The following ZNF536 variants were observed in gnomAD, a reference collection of about 807,000 sequenced individuals.
The protein encoded by ZNF536 is zinc finger protein 536.
Under a neutral mutation model 84.5 loss-of-function variants are expected in ZNF536, and 13 were observed. The ratio of observed to expected loss-of-function variants is 0.15; its 90% CI spans 0.10 to 0.24. ZNF536 has a LOEUF of 0.24. ZNF536 is among the 10% of genes least tolerant of loss of function. ZNF536 has a pLI of 1.00. For missense variants in ZNF536, 1,536 were observed against 1,747.5 expected, an observed-to-expected ratio of 0.88 and a Z score of 2.16; for synonymous variants, 811 against 742.5, an observed-to-expected ratio of 1.09 and a Z score of -1.50.
chr19:30,287,694 A>ATGGATGGATGAG (rs1232384033), intron 2 of ZNF536, among the ~76,000 whole-genome samples: 1 of 116,576 alleles, frequency 8.6e-6, no homozygotes, highest in Non-Finnish European at 1.7e-5. Flanking sequence ...GGATGGATGG[A>ATGGATGGATGAG]TGGATGGATG....
At chr19:30,658,539 T>TCACACA (rs144517985) in intron 1 of ZNF536, among the ~76,000 whole-genome samples, 35 of 149,244 alleles carry the variant, frequency 2.3e-4, no homozygotes, top group African/African-American at 8.3e-4. Flanking sequence ...CCTCTCTCTG[T>TCACACA]CACACACACA....
chr19:30,686,390 C>T (rs986076750), intron 1 of ZNF536, among the ~76,000 whole-genome samples: 2 of 152,158 alleles, frequency 1.3e-5, no homozygotes, highest in Non-Finnish European at 2.9e-5. Flanking sequence ...CAGATGGAGC[C>T]GCGGGCATCC....
At chr19:30,536,918 C>T (rs1371604838) in intron 3 of ZNF536, among the ~76,000 whole-genome samples, 3 of 152,202 alleles carry the variant, frequency 2.0e-5, no homozygotes, top group African/African-American at 7.2e-5. Context: ...GGCTCTGATG[C>T]CCCCTTCTCT....
At chr19:30,460,392 C>A (rs1168104837) in intron 2 of ZNF536, among the ~76,000 whole-genome samples, 1 of 152,162 alleles carries the variant, frequency 6.6e-6, no homozygotes, top group Non-Finnish European at 1.5e-5. Flanking sequence ...CTTCTAGTAG[C>A]AGAGGCACTG....
intron 1 of ZNF536, among the ~76,000 whole-genome samples, chr19:30,245,013 A>T (rs1171311782): frequency 6.6e-6 from 1 of 152,098 alleles, no homozygotes; most frequent in Non-Finnish European, 1.5e-5. Context: ...CATCTAACTC[A>T]TGTCTACCTA....
chr19:30,410,353 C>T (rs1190804098), intron 1 of ZNF536, among the ~76,000 whole-genome samples: 1 of 150,920 alleles, frequency 6.6e-6, no homozygotes, highest in Admixed American at 6.6e-5. Flanking sequence ...CATTTTCCAA[C>T]TGATATATAA....
At chr19:30,396,666 T>A (rs950165165) in intron 1 of ZNF536, among the ~76,000 whole-genome samples, 1 of 148,262 alleles carries the variant, frequency 6.7e-6, no homozygotes, top group African/African-American at 2.5e-5. Context: ...AGTGGCATGA[T>A]CTCGGCTCAC....
chr19:30,280,022 A>C (rs550914352), intron 1 of ZNF536, among the ~76,000 whole-genome samples: 7 of 152,256 alleles, frequency 4.6e-5, no homozygotes, highest in Non-Finnish European at 1.0e-4. Context: ...TCTCCCCAGG[A>C]ATACACTCCA....
intron 1 of ZNF536, among the ~76,000 whole-genome samples, chr19:30,688,784 A>G (rs1175479413): frequency 6.6e-6 from 1 of 152,150 alleles, no homozygotes; most frequent in Admixed American, 6.5e-5. Flanking sequence ...GCGAGTGGGT[A>G]GCTCTGGCTC....
chr19:30,335,356 G>T (rs2047347874), intron 2 of ZNF536, among the ~76,000 whole-genome samples: 2 of 152,150 alleles, frequency 1.3e-5, no homozygotes, highest in South Asian at 4.1e-4. Flanking sequence ...TAATCTCGAT[G>T]ATGGAAGCTG....
chr19:30,328,570 C>G (rs2047110867), intron 2 of ZNF536, among the ~76,000 whole-genome samples: 1 of 152,176 alleles, frequency 6.6e-6, no homozygotes, highest in African/African-American at 2.4e-5. Context: ...CCACGTAGCC[C>G]TAACTAATCA....
intron 1 of ZNF536, among the ~76,000 whole-genome samples, chr19:30,566,737 T>C (rs950787025): frequency 3.3e-5 from 5 of 151,648 alleles, no homozygotes; most frequent in Non-Finnish European, 5.9e-5. Flanking sequence ...TTCCGGACAG[T>C]GGAGGTTCCT....
chr19:30,611,653 T>C (rs1447312878), intron 1 of ZNF536, among the ~76,000 whole-genome samples: 3 of 152,306 alleles, frequency 2.0e-5, no homozygotes, highest in South Asian at 4.1e-4. Flanking sequence ...GCTTTAGGGT[T>C]GGTGACATGG....
At chr19:30,498,148 T>C (rs1338402295) in intron 2 of ZNF536, among the ~76,000 whole-genome samples, 5 of 152,218 alleles carry the variant, frequency 3.3e-5, no homozygotes, top group African/African-American at 7.2e-5. Context: ...TGTATGTTCA[T>C]TGCATTACTA....
At chr19:30,596,540 A>G (rs558867621) in intron 1 of ZNF536, among the ~76,000 whole-genome samples, 4 of 152,330 alleles carry the variant, frequency 2.6e-5, no homozygotes, top group Admixed American at 6.5e-5. Context: ...CACTTTAATC[A>G]TCAATCCACA....
At position 30,431,925 on chromosome 19, in the gene ZNF536, C is replaced by G. The variant is rs570484033; in HGVS notation, c.-2-11636C>G. Among the ~76,000 whole-genome samples the G allele has an allele frequency of 7.9e-5, 12 of 152,128 alleles. No homozygotes were observed. The South Asian group carries it at 2.3e-3, about 29-fold the overall frequency. ...GCGAGAGGAGAGTAATCAATACACTCCTGACAACTGCTGGTATCTTTTTCA... is the reference window on the plus strand; with the variant it reads ...GCGAGAGGAGAGTAATCAATACACTGCTGACAACTGCTGGTATCTTTTTCA... On this transcript the variant is annotated intron_variant, in intron 1 of 4. Coordinates refer to ENST00000355537, the MANE Select transcript of ZNF536 (RefSeq NM_014717.3).
chr19:30,446,267 A>AG (rs2052336846), intron 2 of ZNF536, among the ~76,000 whole-genome samples: 1 of 150,072 alleles, frequency 6.7e-6, no homozygotes, highest in Non-Finnish European at 1.5e-5. Context: ...AAAAAAAAAA[A>AG]AAAAAAAGAA....
intron 1 of ZNF536, among the ~76,000 whole-genome samples, chr19:30,252,411 GA>G (rs958330287): frequency 1.3e-5 from 2 of 152,164 alleles, no homozygotes; most frequent in African/African-American, 4.8e-5. Flanking sequence ...GCCTCCGGGG[GA>G]GCTGGAGAAG....
intron 2 of ZNF536, among the ~76,000 whole-genome samples, chr19:30,293,244 G>T (rs746258545): frequency 2.6e-4 from 39 of 152,196 alleles, no homozygotes; most frequent in Admixed American, 7.2e-4. Flanking sequence ...TCCCCTTCTC[G>T]CCACCCTCTC....
Sources: allele counts gnomAD v4.1 joint callset (sites outside exome capture counted in the v4.1 genomes callset), GRCh38; gene constraint gnomAD v4.1.1; transcripts MANE v1.5; gene names NCBI Gene and HGNC (gene_info 2026-07-23, HGNC 2026-07-21).